The following ARNT2 variants were observed in gnomAD, a reference collection of about 807,000 sequenced individuals.
The protein encoded by ARNT2 is aryl hydrocarbon receptor nuclear translocator 2, also known as ARNT protein 2.
Under a neutral mutation model 91.7 loss-of-function variants are expected in ARNT2, and 36 were observed. The observed-to-expected ratio is 0.39, with a 90% CI of 0.30 to 0.52. The LOEUF is 0.52. ARNT2 is among the 20% of genes least tolerant of loss of function. The pLI, the probability that ARNT2 is intolerant of heterozygous loss-of-function variation, is 0.72. For missense variants in ARNT2, 775 were observed against 939.3 expected (o/e 0.83, Z 2.29); for synonymous variants, 365 against 347.1 (o/e 1.05, Z -0.57).
chr15:80,419,754 G>A (rs756106694), intron 1 of ARNT2, among the ~76,000 whole-genome samples: 2 of 152,192 alleles, frequency 1.3e-5, no homozygotes, highest in African/African-American at 2.4e-5. Context: ...AAAGTCCCGG[G>A]AGAAAAAGCT....
intron 1 of ARNT2, among the ~76,000 whole-genome samples, chr15:80,427,102 C>T (rs897320707): frequency 6.6e-6 from 1 of 152,186 alleles, no homozygotes; most frequent in Non-Finnish European, 1.5e-5. Context: ...GTCCCTACCA[C>T]CAGCTCAAAA....
chr15:80,518,358 G>A (rs1291680544), intron 8 of ARNT2, among the ~76,000 whole-genome samples: 1 of 129,044 alleles, frequency 7.7e-6, no homozygotes, highest in Non-Finnish European at 1.5e-5. Flanking sequence ...TCAGCTCACT[G>A]CAACCTCTGC....
chr15:80,582,068 G>A (rs895750769), intron 17 of ARNT2, among the ~76,000 whole-genome samples: 1 of 152,222 alleles, frequency 6.6e-6, no homozygotes, highest in South Asian at 2.1e-4. Context: ...ACACCCAGCA[G>A]TGCGGCTCAT....
intron 1 of ARNT2, among the ~76,000 whole-genome samples, chr15:80,433,122 A>G (rs578195301): frequency 6.6e-6 from 1 of 152,120 alleles, no homozygotes; most frequent in African/African-American, 2.4e-5. Flanking sequence ...AAAACCTCTT[A>G]AAGGGGATTT....
intron 1 of ARNT2, among the ~76,000 whole-genome samples, chr15:80,417,605 C>G (rs113474504): frequency 3.3e-5 from 5 of 150,896 alleles, no homozygotes; most frequent in African/African-American, 1.2e-4. Flanking sequence ...TCTCTCTCTT[C>G]TCCTTCCCTC....
intron 8 of ARNT2, among the ~76,000 whole-genome samples, chr15:80,527,850 G>T (rs1227978543): frequency 6.6e-6 from 1 of 152,234 alleles, no homozygotes; most frequent in Non-Finnish European, 1.5e-5. Flanking sequence ...CACTATGGCT[G>T]CTAGGGAAGA....
At chr15:80,468,763 C>T (rs1896692892) in intron 3 of ARNT2, among the ~76,000 whole-genome samples, 1 of 152,226 alleles carries the variant, frequency 6.6e-6, no homozygotes, top group Non-Finnish European at 1.5e-5. Flanking sequence ...GTTAACCCCC[C>T]ACTGCTTGAG....
chr15:80,502,450 G>A lies in ARNT2; in HGVS notation c.623-5706G>A, dbSNP rs565639499. Among the ~76,000 whole-genome samples, 96 of 152,334 alleles carry A rather than the reference G, an allele frequency of 6.3e-4. 3 individuals are homozygous for A. The highest frequency in any genetic ancestry group is 6.8e-3 in the Middle Eastern group (2 of 294). ...AAAGGCTGTGGGTGCTGTGCTGAAA[G>A]TCTAAAATGCAGGAGGAGGAGAGAC... On this transcript the variant is annotated intron_variant, in intron 5 of 18. Transcript: ENST00000303329.
At chr15:80,505,110 T>C (rs996831717) in intron 5 of ARNT2, among the ~76,000 whole-genome samples, 9 of 152,240 alleles carry the variant, frequency 5.9e-5, no homozygotes, top group Non-Finnish European at 8.8e-5. Context: ...GCCTCCTGTG[T>C]GCGAATCACT....
intron 2 of ARNT2, among the ~76,000 whole-genome samples, chr15:80,453,665 G>A (rs1011332710): frequency 6.6e-6 from 1 of 152,164 alleles, no homozygotes; most frequent in African/African-American, 2.4e-5. Flanking sequence ...CCCCATGGCA[G>A]GCCCCTGCTC....
intron 5 of ARNT2, among the ~76,000 whole-genome samples, chr15:80,487,493 G>A (rs1566985252): frequency 6.6e-6 from 1 of 152,214 alleles, no homozygotes; most frequent in Non-Finnish European, 1.5e-5. Flanking sequence ...TGCACATCCA[G>A]GAGTTGAGAA....
Position 80,475,137 on chromosome 15 carries a change from T to C in ARNT2, c.536T>C (p.Phe179Ser), listed in dbSNP as rs1389904013. The C allele has an allele frequency of 6.2e-7, 1 of 1,614,210 alleles. No homozygotes were observed. The highest frequency in any genetic ancestry group is 8.5e-7 in the Non-Finnish European group (1 of 1,180,044). The part of the protein sequence containing the change: ...PVLNQPQSEW[F>S]GSTLYEQVHP... The stretch of plus-strand genomic sequence containing the variant: ...CTGAACCAGCCCCAGTCAGAGTGGT[T>C]TGGGAGCACACTGTATGAACAGGTG... Residue 179 changes from phenylalanine (F) to serine (S), a missense_variant, in exon 5 of 19, where the codon TTT becomes TCT. Coordinates refer to ENST00000303329, the MANE Select transcript of ARNT2 (RefSeq NM_014862.4).
chr15:80,510,416 A>C (rs1011627338), intron 6 of ARNT2, among the ~76,000 whole-genome samples: 8 of 152,170 alleles, frequency 5.3e-5, no homozygotes, highest in Admixed American at 3.3e-4. Context: ...TCAGAAGAAG[A>C]CATACATGCG....
At chr15:80,593,510 G>T (rs1893320925) in intron 18 of ARNT2, 90 bp from the exon 19 acceptor site, 2 of 1,043,662 alleles carry the variant, frequency 1.9e-6, no homozygotes, top group Non-Finnish European at 1.4e-6. Flanking sequence ...ATGGCCATGA[G>T]GGTGAGTGCA....
chr15:80,514,399 C>CCAG lies in ARNT2; in HGVS notation c.875_877dup (p.Ala292dup). 1 of 1,614,124 alleles carries CCAG rather than the reference C, an allele frequency of 6.2e-7. No individual in the cohort carries two copies. Among genetic ancestry groups the CCAG allele is most frequent in the Non-Finnish European group, 8.5e-7 (1 of 1,179,986 alleles). On this transcript the variant is annotated inframe_insertion, in exon 8 of 19. Transcript: ENST00000303329. ...TACAGGATACATCAAGGCCTGGCCA[C>CCAG]CAGCAGGTAAGGAGACCTGCATGTA...
At chr15:80,582,219 G>A (rs934279508) in intron 17 of ARNT2, among the ~76,000 whole-genome samples, 22 of 152,054 alleles carry the variant, frequency 1.4e-4, no homozygotes, top group Admixed American at 1.3e-4. Context: ...CAGGCAGGGC[G>A]CGGTGACTCA....
chr15:80,494,390 T>C (rs766248184), intron 5 of ARNT2, among the ~76,000 whole-genome samples: 1 of 152,184 alleles, frequency 6.6e-6, no homozygotes, highest in Non-Finnish European at 1.5e-5. Context: ...TCCTGGCATA[T>C]ACTGGGCTGC....
chr15:80,499,622 G>A (rs1296925875), intron 5 of ARNT2, among the ~76,000 whole-genome samples: 1 of 152,200 alleles, frequency 6.6e-6, no homozygotes, highest in African/African-American at 2.4e-5. Context: ...AGAAAAGAGG[G>A]GGAAAGGTGG....
At position 80,581,373 on chromosome 15, in the gene ARNT2, C is replaced by T. The variant is rs754784916; in HGVS notation, c.1887C>T (p.Tyr629=). 2 of 1,614,182 alleles carry T rather than the reference C, an allele frequency of 1.2e-6. No homozygotes were observed. The highest frequency in any genetic ancestry group is 1.3e-5 in the African/African-American group (1 of 75,042). Residue 629 remains tyrosine, a synonymous_variant, in exon 17 of 19, where the codon TAC becomes TAT. Coordinates refer to ENST00000303329, the MANE Select transcript of ARNT2 (RefSeq NM_014862.4). ...PATSSPSGNA[Y]SSLANRTPGF... ...CCTCCTCGCCAAGTGGGAATGCCTA[C>T]TCCAGTCTTGCCAACAGGACTCCAG...
Sources: gnomAD v4.1 joint callset for allele counts (sites outside exome capture counted in the v4.1 genomes callset) on GRCh38, gnomAD v4.1.1 for gene constraint, MANE v1.5 for transcripts, NCBI Gene and HGNC (gene_info 2026-07-23, HGNC 2026-07-21) for gene names.